The following LARGE1 variants were observed in gnomAD, a reference collection of about 807,000 sequenced individuals.
LARGE1 encodes LARGE xylosyl- and glucuronyltransferase 1.
In LARGE1, 43 loss-of-function variants were observed where a neutral mutation model predicts 87.6. The ratio of observed to expected loss-of-function variants is 0.49; its 90% CI spans 0.38 to 0.63. LARGE1 has a LOEUF of 0.63. Ranked by LOEUF, LARGE1 falls within the 30% of genes least tolerant of loss-of-function variation. The pLI is 0.00. For synonymous variants in LARGE1, 434 were observed against 394.6 expected, an observed-to-expected ratio of 1.10 and a Z score of -1.18; for missense variants, 802 against 1,000.2, an observed-to-expected ratio of 0.80 and a Z score of 2.67.
intron 1 of LARGE1, among the ~76,000 whole-genome samples, chr22:33,774,880 G>A (rs1478580090): frequency 6.6e-6 from 1 of 152,178 alleles, no homozygotes; most frequent in Non-Finnish European, 1.5e-5. Context: ...GTGCTGGACT[G>A]TGCAGGTTTC....
intron 14 of LARGE1, 137 bp downstream of exon 14, chr22:33,276,923 C>A (rs901654255): frequency 2.3e-6 from 2 of 852,530 alleles, no homozygotes; most frequent in African/African-American, 1.7e-5. Flanking sequence ...GCCCAAGGAT[C>A]AGTACTACCA....
intron 2 of LARGE1, among the ~76,000 whole-genome samples, chr22:33,682,412 C>T (rs1379293835): frequency 6.6e-6 from 1 of 152,300 alleles, no homozygotes; most frequent in East Asian, 1.9e-4. Context: ...TTCTCCTGCA[C>T]CAGGACACCC....
chr22:33,635,407 G>C (rs1308534305), intron 3 of LARGE1, among the ~76,000 whole-genome samples: 1 of 152,156 alleles, frequency 6.6e-6, no homozygotes, highest in African/African-American at 2.4e-5. Flanking sequence ...CACTGGCTCT[G>C]AGTCTCTTCT....
At chr22:33,630,165 C>T (rs1019946590) in intron 3 of LARGE1, among the ~76,000 whole-genome samples, 1 of 152,032 alleles carries the variant, frequency 6.6e-6, no homozygotes, top group South Asian at 2.1e-4. Context: ...CGCCATTGCA[C>T]TCCAGCCTGG....
At chr22:33,634,057 C>T (rs1412629175) in intron 3 of LARGE1, among the ~76,000 whole-genome samples, 1 of 152,224 alleles carries the variant, frequency 6.6e-6, no homozygotes, top group Non-Finnish European at 1.5e-5. Flanking sequence ...GTGTCAGGAT[C>T]AAACAAATGA....
chr22:33,664,996 C>T (rs979930686), intron 2 of LARGE1, among the ~76,000 whole-genome samples: 5 of 152,216 alleles, frequency 3.3e-5, no homozygotes, highest in East Asian at 1.9e-4. Context: ...CTCCTCTGCT[C>T]CCTGGGCACC....
chr22:33,192,801 G>T (rs528120676), intron 11 of LARGE1, among the ~76,000 whole-genome samples: 2 of 152,092 alleles, frequency 1.3e-5, no homozygotes, highest in African/African-American at 2.4e-5. Flanking sequence ...ACGGTTTCAG[G>T]TCTTACATTT....
At chr22:33,222,175 A>G (rs142117916) in intron 11 of LARGE1, among the ~76,000 whole-genome samples, 229 of 152,344 alleles carry the variant, frequency 1.5e-3, no homozygotes, top group African/African-American at 5.1e-3. Context: ...CTTAAAATAC[A>G]TCTAAGAAAA....
intron 1 of LARGE1, among the ~76,000 whole-genome samples, chr22:33,898,184 G>A (rs1454380330): frequency 2.6e-5 from 4 of 152,100 alleles, no homozygotes; most frequent in South Asian, 2.1e-4. Context: ...TGAATGATGC[G>A]GAAGACAGCC....
At chr22:33,606,797 C>G (rs1229776333) in intron 4 of LARGE1, among the ~76,000 whole-genome samples, 4 of 152,184 alleles carry the variant, frequency 2.6e-5, no homozygotes, top group Non-Finnish European at 5.9e-5. Flanking sequence ...TGCACCTCCA[C>G]ATTCAGCACT....
chr22:33,600,091 G>A (rs1465986964), intron 5 of LARGE1, among the ~76,000 whole-genome samples: 1 of 152,170 alleles, frequency 6.6e-6, no homozygotes, highest in Non-Finnish European at 1.5e-5. Context: ...TAGGAATGTG[G>A]TGACCCTGGG....
Position 33,318,162 on chromosome 22 carries a change from G to C in LARGE1, c.1288-1914C>G, listed in dbSNP as rs376711426. Among the ~76,000 whole-genome samples the C allele has an allele frequency of 1.3e-4, 20 of 151,716 alleles. No individual in the cohort carries two copies. The South Asian group carries it at 4.2e-3, about 32-fold the overall frequency. On this transcript the variant is annotated intron_variant, in intron 10 of 14. Coordinates refer to ENST00000397394, the MANE Select transcript of LARGE1 (RefSeq NM_133642.5). The stretch of plus-strand genomic sequence containing the variant: ...GAGGCAGAGAATTGCTTGAACCCAG[G>C]GGGCAGAGGTTGCAGTGAGCCAAGA...
rs116640973 is a variant in LARGE1, at chr22:33,370,193, C to T, written c.1131+11726G>A. On this transcript the variant is annotated intron_variant, in intron 9 of 14. Transcript: ENST00000397394. Reference sequence around the variant, plus strand: ...AACAGTAATATAAGGTATCTCTTTCCAGCATAAAAACTGTTGTGTCTGCCA... The same window carrying T: ...AACAGTAATATAAGGTATCTCTTTCTAGCATAAAAACTGTTGTGTCTGCCA... Among the ~76,000 whole-genome samples the T allele has an allele frequency of 8.9e-3, 1,349 of 152,062 alleles. 19 individuals carry two copies. Among genetic ancestry groups the T allele is most frequent in the African/African-American group, 0.03 (1,238 of 41,462 alleles).
At chr22:33,364,962 C>A (rs1230153790) in intron 9 of LARGE1, among the ~76,000 whole-genome samples, 1 of 152,154 alleles carries the variant, frequency 6.6e-6, no homozygotes, top group African/African-American at 2.4e-5. Context: ...TCCCAAAGTG[C>A]TGAGATTACT....
intron 6 of LARGE1, among the ~76,000 whole-genome samples, chr22:33,517,143 A>G (rs1264608343): frequency 2.6e-5 from 4 of 152,158 alleles, no homozygotes; most frequent in African/African-American, 9.7e-5. Context: ...TTAACTGTGA[A>G]TACGTATTAA....
chr22:33,298,851 AAAG>A (rs1569027025), intron 12 of LARGE1, among the ~76,000 whole-genome samples: 1 of 151,966 alleles, frequency 6.6e-6, no homozygotes, highest in Non-Finnish European at 1.5e-5. Context: ...TAAAGGAAAG[AAAG>A]AAGAAAGAAA....
At chr22:33,918,602 G>A (rs192886987) in intron 1 of LARGE1, among the ~76,000 whole-genome samples, 26 of 152,284 alleles carry the variant, frequency 1.7e-4, no homozygotes, top group African/African-American at 5.5e-4. Context: ...AGGACCAAGC[G>A]TGCCAGTGAG....
intron 6 of LARGE1, among the ~76,000 whole-genome samples, chr22:33,437,917 A>G (rs1292018904): frequency 2.6e-5 from 4 of 152,090 alleles, no homozygotes; most frequent in African/African-American, 9.7e-5. Context: ...TGTGGGGGTA[A>G]GTGGGTGATA....
At chr22:33,279,984 T>C (rs1369272953) in intron 13 of LARGE1, among the ~76,000 whole-genome samples, 1 of 152,242 alleles carries the variant, frequency 6.6e-6, no homozygotes, top group Non-Finnish European at 1.5e-5. Flanking sequence ...TTTCCTTTTG[T>C]GTCAACTGGG....
Sources: gnomAD v4.1 joint callset for allele counts (sites outside exome capture counted in the v4.1 genomes callset) on GRCh38, gnomAD v4.1.1 for gene constraint, MANE v1.5 for transcripts, NCBI Gene and HGNC (gene_info 2026-07-23, HGNC 2026-07-21) for gene names.